ANKRD46: variants seen among roughly 807,000 people sequenced by gnomAD.
ANKRD46 encodes ankyrin repeat domain 46.
Under a neutral mutation model 19.8 loss-of-function variants are expected in ANKRD46, and 13 were observed. The observed-to-expected ratio is 0.66, with a 90% CI of 0.43 to 1.04. The LOEUF is 1.04. ANKRD46 is among the 50% of genes least tolerant of loss of function. The pLI is 0.00. For synonymous variants in ANKRD46, 91 were observed against 106.9 expected (o/e 0.85, Z 0.92); for missense variants, 185 against 274.8 (o/e 0.67, Z 2.31).
chr8:100,552,485 C>G (rs1812414120), intron 1 of ANKRD46, among the ~76,000 whole-genome samples: 1 of 152,036 alleles, frequency 6.6e-6, no homozygotes, highest in Admixed American at 6.6e-5. Context: ...TCAGATGTCC[C>G]CTGTCTACCT....
downstream of ANKRD46, chr8:100,520,626 C>G (rs1439536277): frequency 4.7e-6 from 1 of 213,728 alleles, no homozygotes; most frequent in Non-Finnish European, 7.9e-6. Flanking sequence ...ATTTATAAGG[C>G]AAACATATAT....
intron 5 of ANKRD46, among the ~76,000 whole-genome samples, chr8:100,512,295 T>A (rs1811560277): frequency 6.6e-6 from 1 of 152,114 alleles, no homozygotes; most frequent in Non-Finnish European, 1.5e-5. Flanking sequence ...CCTTCAAGCC[T>A]CTCTTCCACC....
At chr8:100,539,087 T>C (rs754487412) in intron 1 of ANKRD46, among the ~76,000 whole-genome samples, 18 of 152,260 alleles carry the variant, frequency 1.2e-4, no homozygotes, top group Admixed American at 5.2e-4. Flanking sequence ...ATAGTTTTAC[T>C]GTGACGTCAA....
chr8:100,522,184 T>C lies in ANKRD46; in HGVS notation c.*371A>G, dbSNP rs1349879561. 9.9e-7 allele frequency: 1 copy of C among 1,005,184 alleles called. No homozygotes were observed. The highest frequency in any genetic ancestry group is 1.2e-6 in the Non-Finnish European group (1 of 841,524). 62.3% of individuals were successfully genotyped at this position (1,005,184 alleles called of 1,614,324 possible). A position where few individuals can be genotyped will look rare whatever the true frequency, so the allele number is the denominator to read the frequency against. On this transcript the variant is annotated 3_prime_UTR_variant, in exon 5 of 5. Coordinates refer to ENST00000335659, the MANE Select transcript of ANKRD46 (RefSeq NM_001270377.2). ...AACAAAAACTAATCATATAAGATAC[T>C]GTTTTTCTTTTTGAATACTTCAATT...
rs59521764 is a variant in ANKRD46 at position 100,555,722 on chromosome 8, T to TAAAAAAAAAAAAAAAAAAAA, written c.-131+3969_-131+3988dup. On this transcript the variant is annotated intron_variant, in intron 1 of 4. Transcript: ENST00000335659. ...GCACCAACTTAATATTTTCCTCAGC[T>TAAAAAAAAAAAAAAAAAAAA]AAAAAAAAAAAAAAAAAAAAAAAAA... 9.4e-5 allele frequency among the ~76,000 whole-genome samples: 5 copies of TAAAAAAAAAAAAAAAAAAAA among 53,306 alleles called. 1 individual carries two copies. The highest frequency in any genetic ancestry group is 1.3e-4 in the Non-Finnish European group (4 of 30,378). 35.0% of individuals were successfully genotyped at this position (53,306 alleles called of 152,430 possible). A position where few individuals can be genotyped will look rare whatever the true frequency, so the allele number is the denominator to read the frequency against.
chr8:100,523,805 G>A (rs1266624709), intron 4 of ANKRD46, among the ~76,000 whole-genome samples: 1 of 152,118 alleles, frequency 6.6e-6, no homozygotes, highest in Non-Finnish European at 1.5e-5. Flanking sequence ...CACCATGGCT[G>A]GCTAATTTTT....
chr8:100,512,844 T>C (rs1811567990), intron 5 of ANKRD46, among the ~76,000 whole-genome samples: 1 of 152,222 alleles, frequency 6.6e-6, no homozygotes, highest in South Asian at 2.1e-4. Context: ...TAAAATTTCA[T>C]GATTGGTTAA....
chr8:100,546,490 T>C lies in ANKRD46; in HGVS notation c.-130-13179A>G, dbSNP rs763455151. On this transcript the variant is annotated intron_variant, in intron 1 of 4. Transcript: ENST00000335659. The surrounding 1 kb of genome is among the most constrained non-coding windows in gnomAD (Gnocchi z 4.0). ...GTGTGCAGAAGACAGGAGTTGAGCTTTGGGAACCTCTGCCTAGATTTCAAA... is the reference window on the plus strand; with the variant it reads ...GTGTGCAGAAGACAGGAGTTGAGCTCTGGGAACCTCTGCCTAGATTTCAAA... 3.9e-5 allele frequency among the ~76,000 whole-genome samples: 6 copies of C among 152,248 alleles called. No homozygotes were observed. Among genetic ancestry groups the C allele is most frequent in the Admixed American group, 6.5e-5 (1 of 15,288 alleles).
In ANKRD46 at chr8:100,510,129, A is replaced by C. The variant is rs1160187322; in HGVS notation, c.*448T>G. On this transcript the variant is annotated 3_prime_UTR_variant, in exon 6 of 6. Coordinates refer to the ANKRD46 transcript ENST00000520552. The surrounding 1 kb of genome is among the most constrained non-coding windows in gnomAD (Gnocchi z 4.9). ...ATGGCTTCTCGGAATTTTCCGAATGAAGTAACTTTTTTCCCCAGACCGTTT... is the reference window on the plus strand; with the variant it reads ...ATGGCTTCTCGGAATTTTCCGAATGCAGTAACTTTTTTCCCCAGACCGTTT... 1 of 157,052 alleles carries C rather than the reference A, an allele frequency of 6.4e-6. No individual in the cohort carries two copies. Among genetic ancestry groups the C allele is most frequent in the South Asian group, 2.0e-4 (1 of 4,886 alleles). 9.7% of individuals were successfully genotyped at this position (157,052 alleles called of 1,614,324 possible).
chr8:100,538,754 G>A (rs755629409), intron 1 of ANKRD46, among the ~76,000 whole-genome samples: 4 of 152,164 alleles, frequency 2.6e-5, no homozygotes, highest in Non-Finnish European at 5.9e-5. Flanking sequence ...AAGCCTGCTT[G>A]GAGAGGTGGG....
intron 2 of ANKRD46, among the ~76,000 whole-genome samples, chr8:100,530,515 C>T (rs915383892): frequency 6.6e-6 from 1 of 152,074 alleles, no homozygotes; most frequent in Non-Finnish European, 1.5e-5. Flanking sequence ...TCCCAAGTAG[C>T]TGGAATTACA....
chr8:100,542,014 A>G (rs1812184761), intron 1 of ANKRD46, among the ~76,000 whole-genome samples: 1 of 152,156 alleles, frequency 6.6e-6, no homozygotes, highest in African/African-American at 2.4e-5. Flanking sequence ...TACACAAACA[A>G]TGAAATAATC....
chr8:100,520,777 G>C lies in ANKRD46; in HGVS notation c.*1778C>G, dbSNP rs1811708859. On this transcript the variant is annotated 3_prime_UTR_variant, in exon 5 of 5. Coordinates refer to ENST00000335659, the MANE Select transcript of ANKRD46 (RefSeq NM_001270377.2). Reference sequence around the variant, plus strand: ...AAAAAAAAGAGAAATCGTGATTAAGGGATATATAAATACATTTATTGGTGG... The same window carrying C: ...AAAAAAAAGAGAAATCGTGATTAAGCGATATATAAATACATTTATTGGTGG... 1.1e-6 allele frequency: 1 copy of C among 946,878 alleles called. No homozygotes were observed. 58.7% of individuals were successfully genotyped at this position (946,878 alleles called of 1,614,324 possible).
chr8:100,531,928 T>A (rs562842308), intron 2 of ANKRD46, among the ~76,000 whole-genome samples: 2 of 152,260 alleles, frequency 1.3e-5, no homozygotes, highest in African/African-American at 4.8e-5. Context: ...GATCAATCAT[T>A]AGGTCATTGC....
At chr8:100,551,524 A>AT in intron 1 of ANKRD46, 2 of 812,514 alleles carry the variant, frequency 2.5e-6, no homozygotes, top group Non-Finnish European at 2.1e-6. Flanking sequence ...CAAGCTTCCC[A>AT]TTCTCAGCCT....
chr8:100,511,317 A>T lies in ANKRD46; in HGVS notation c.637-678T>A, dbSNP rs1421810491. The stretch of plus-strand genomic sequence containing the variant: ...AAACCCAGGTCTGCCTGAGTGCGAG[A>T]CCCCTGTGCTCACCACCACACTCTT... On this transcript the variant is annotated intron_variant, in intron 5 of 5. Transcript: ENST00000520552. This position sits in a 1 kb window ranked among gnomAD's most constrained non-coding sequence, Gnocchi z 4.1. 6.6e-6 allele frequency among the ~76,000 whole-genome samples: 1 copy of T among 152,020 alleles called. No homozygotes were observed. The highest frequency in any genetic ancestry group is 2.4e-5 in the African/African-American group (1 of 41,384).
At chr8:100,551,618 G>T in intron 1 of ANKRD46, 1 of 733,260 alleles carries the variant, frequency 1.4e-6, no homozygotes, top group Non-Finnish European at 2.4e-6. Context: ...GTCATTGATG[G>T]TGACAATATC....
At chr8:100,518,972 G>A (rs1454195880), downstream of ANKRD46, among the ~76,000 whole-genome samples, 4 of 152,126 alleles carry the variant, frequency 2.6e-5, no homozygotes, top group Non-Finnish European at 4.4e-5. Context: ...CTAAACACAC[G>A]AATGTCCAGC....
intron 1 of ANKRD46, among the ~76,000 whole-genome samples, chr8:100,553,368 TG>T (rs1812431975): frequency 6.6e-6 from 1 of 152,202 alleles, no homozygotes; most frequent in South Asian, 2.1e-4. Context: ...AAAAGATGAC[TG>T]ATAGTAGGAC....
Sources: gnomAD v4.1 joint callset for allele counts (sites outside exome capture counted in the v4.1 genomes callset) on GRCh38, gnomAD v4.1.1 for gene constraint, Gnocchi (gnomAD v3.1) non-coding constraint, MANE v1.5 for transcripts, NCBI Gene and HGNC (gene_info 2026-07-23, HGNC 2026-07-21) for gene names.